Variants in IGSF5 observed in about 807,000 individuals in gnomAD.
IGSF5 encodes the protein immunoglobulin superfamily 5 like.
A neutral mutation model predicts 39.4 loss-of-function variants in IGSF5; 41 were observed. That is an observed-to-expected ratio of 1.04 (90% CI 0.81 to 1.35). The LOEUF is 1.35. IGSF5 is among the 40% of genes most tolerant of loss of function. IGSF5 has a pLI of 0.00. For missense variants in IGSF5, 487 were observed against 494.6 expected (o/e 0.98, Z 0.15); for synonymous variants, 183 against 175.3 (o/e 1.04, Z -0.34).
At chr21:39,789,896 A>G (rs2086952650) in intron 6 of IGSF5, among the ~76,000 whole-genome samples, 1 of 152,200 alleles carries the variant, frequency 6.6e-6, no homozygotes, top group South Asian at 2.1e-4. Flanking sequence ...CTGTTAACAA[A>G]TACTTGCCCA....
intron 2 of IGSF5, among the ~76,000 whole-genome samples, chr21:39,752,857 T>G (rs886522767): frequency 6.6e-6 from 1 of 152,212 alleles, no homozygotes; most frequent in African/African-American, 2.4e-5. Flanking sequence ...TCTTTTTTTT[T>G]TCTTGCTGAT....
At chr21:39,738,492 C>G in the IGSF5 span, among the ~76,000 whole-genome samples, 1 of 152,102 alleles carries the variant, frequency 6.6e-6, no homozygotes, top group African/African-American at 2.4e-5. The surrounding 1 kb of genome is among the most constrained non-coding windows in gnomAD (Gnocchi z 6.4). Context: ...ATTAAAGTGA[C>G]AAAACATAGA....
the IGSF5 span, among the ~76,000 whole-genome samples, chr21:39,739,693 C>T: frequency 0.015 from 2,325 of 152,132 alleles, 21 homozygotes; most frequent in Admixed American, 0.023. Flanking sequence ...AGGGGTTGTG[C>T]AGTTGAGATT....
At chr21:39,742,526 C>T (rs1239167092), upstream of IGSF5, among the ~76,000 whole-genome samples, 1 of 152,248 alleles carries the variant, frequency 6.6e-6, no homozygotes, top group Admixed American at 6.5e-5. Context: ...CTCAGCCCTG[C>T]TGCTGGATCA....
chr21:39,737,556 C>G, the IGSF5 span, among the ~76,000 whole-genome samples: 1 of 152,186 alleles, frequency 6.6e-6, no homozygotes, highest in Non-Finnish European at 1.5e-5. Context: ...GCTAGAATGA[C>G]TCTCAGGAAA....
At chr21:39,791,943 G>A (rs965242408) in intron 6 of IGSF5, 65 bp from the exon 7 acceptor site, 1 of 1,059,480 alleles carries the variant, frequency 9.4e-7, no homozygotes, top group African/African-American at 1.6e-5. Flanking sequence ...GGTATCCATT[G>A]CCAATTAACA....
chr21:39,737,972 AAG>A, the IGSF5 span, among the ~76,000 whole-genome samples: 1 of 152,198 alleles, frequency 6.6e-6, no homozygotes, highest in African/African-American at 2.4e-5. Context: ...CTGTTTACTC[AAG>A]AGAGTACGCA....
intron 4 of IGSF5, among the ~76,000 whole-genome samples, chr21:39,772,961 C>T (rs571365702): frequency 6.6e-6 from 1 of 152,090 alleles, no homozygotes; most frequent in Non-Finnish European, 1.5e-5. Context: ...AACCTTTCAC[C>T]TAATACAATT....
the IGSF5 span, chr21:39,727,770 T>A: frequency 2.6e-5 from 4 of 152,298 alleles, no homozygotes; most frequent in African/African-American, 9.6e-5. Flanking sequence ...GGGGAGCTGC[T>A]GCAGACCCAT....
At chr21:39,720,273 A>G in the IGSF5 span, among the ~76,000 whole-genome samples, 1 of 152,160 alleles carries the variant, frequency 6.6e-6, no homozygotes, top group African/African-American at 2.4e-5. Flanking sequence ...ATCTGACAGG[A>G]GGCTGAGCTC....
the IGSF5 span, among the ~76,000 whole-genome samples, chr21:39,725,069 C>T: frequency 7.2e-4 from 110 of 152,186 alleles, no homozygotes; most frequent in South Asian, 2.1e-4. Flanking sequence ...AAAACTCAAG[C>T]GGATGCTATT....
intron 4 of IGSF5, among the ~76,000 whole-genome samples, chr21:39,773,173 A>G (rs2146283954): frequency 6.6e-6 from 1 of 152,030 alleles, no homozygotes; most frequent in South Asian, 2.1e-4. Context: ...GTTCCCCTCT[A>G]TGTATCCTTG....
At chr21:39,724,453 G>A in the IGSF5 span, among the ~76,000 whole-genome samples, 1 of 152,094 alleles carries the variant, frequency 6.6e-6, no homozygotes, top group Non-Finnish European at 1.5e-5. Flanking sequence ...TTGAATCATG[G>A]GGGAGGTCTT....
chr21:39,715,351 T>A, the IGSF5 span, among the ~76,000 whole-genome samples: 2 of 152,166 alleles, frequency 1.3e-5, no homozygotes, highest in East Asian at 3.9e-4. Flanking sequence ...ACTCCTGGGC[T>A]CAAGTAATCC....
the IGSF5 span, among the ~76,000 whole-genome samples, chr21:39,717,649 G>A: frequency 5.9e-5 from 9 of 152,266 alleles, no homozygotes; most frequent in Middle Eastern, 3.4e-3. Context: ...TCAGATGGTC[G>A]TAGATGTGCA....
At chr21:39,738,263 TGA>T in the IGSF5 span, among the ~76,000 whole-genome samples, 1 of 152,066 alleles carries the variant, frequency 6.6e-6, no homozygotes, top group Non-Finnish European at 1.5e-5. The surrounding 1 kb of genome is among the most constrained non-coding windows in gnomAD (Gnocchi z 6.4). Flanking sequence ...CAAGAAAGAA[TGA>T]GAGAAGTGAA....
At chr21:39,792,174 A>C (rs1394228996) in intron 7 of IGSF5, 75 bp downstream of exon 7, 1 of 944,690 alleles carries the variant, frequency 1.1e-6, no homozygotes, top group Non-Finnish European at 1.6e-6. Context: ...GCTAGATACC[A>C]GCTGCACAGG....
At chr21:39,771,467 A>G (rs1407481448) in intron 4 of IGSF5, among the ~76,000 whole-genome samples, 1 of 152,170 alleles carries the variant, frequency 6.6e-6, no homozygotes, top group East Asian at 1.9e-4. Context: ...CCAATTATTT[A>G]TCATCAAAGA....
intron 2 of IGSF5, among the ~76,000 whole-genome samples, chr21:39,749,556 C>G (rs1000555246): frequency 1.3e-5 from 2 of 152,204 alleles, no homozygotes; most frequent in African/African-American, 4.8e-5. Flanking sequence ...AGGTTAAGGA[C>G]GCACCTATGA....
Sources: allele counts gnomAD v4.1 joint callset (sites outside exome capture counted in the v4.1 genomes callset), GRCh38; gene constraint gnomAD v4.1.1; non-coding constraint Gnocchi (gnomAD v3.1); transcripts MANE v1.5; gene names NCBI Gene and HGNC (gene_info 2026-07-23, HGNC 2026-07-21).